The following HCN1 variants were observed in gnomAD, a reference collection of about 807,000 sequenced individuals.
HCN1 encodes the protein hyperpolarization activated cyclic nucleotide gated potassium channel 1, also known as potassium/sodium hyperpolarization-activated cyclic nucleotide-gated channel 1.
HCN1 carries 13 observed loss-of-function variants against 78.9 expected under a neutral mutation model. The ratio of observed to expected loss-of-function variants is 0.16; its 90% CI spans 0.11 to 0.26. The LOEUF is 0.26. HCN1 is among the 10% of genes least tolerant of loss of function. The pLI is 1.00. For synonymous variants in HCN1, 552 were observed against 455.5 expected (o/e 1.21, Z -2.70); for missense variants, 810 against 1,154.3 (o/e 0.70, Z 4.32).
intron 3 of HCN1, among the ~76,000 whole-genome samples, chr5:45,431,833 G>A (rs916225674): frequency 1.3e-5 from 2 of 152,124 alleles, no homozygotes; most frequent in South Asian, 2.1e-4. Flanking sequence ...TTTGGTTACT[G>A]TAGGCTTGTA....
chr5:45,308,220 G>T (rs1014120702), intron 5 of HCN1, among the ~76,000 whole-genome samples: 1 of 151,950 alleles, frequency 6.6e-6, no homozygotes, highest in Admixed American at 6.6e-5. Context: ...ATTTCCTGAG[G>T]TCCTCACTAG....
chr5:45,499,933 T>C (rs193163321), intron 2 of HCN1, among the ~76,000 whole-genome samples: 2 of 152,298 alleles, frequency 1.3e-5, no homozygotes, highest in Admixed American at 1.3e-4. Context: ...TGCTAGCATA[T>C]GCACATACAC....
At chr5:45,392,218 G>A (rs751664172) in intron 4 of HCN1, among the ~76,000 whole-genome samples, 6 of 152,038 alleles carry the variant, frequency 3.9e-5, no homozygotes, top group Non-Finnish European at 5.9e-5. Flanking sequence ...GTGTCTGGGT[G>A]TACCATTAGC....
chr5:45,295,374 G>T (rs928077568), intron 6 of HCN1, among the ~76,000 whole-genome samples: 1 of 151,758 alleles, frequency 6.6e-6, no homozygotes, highest in Non-Finnish European at 1.5e-5. Flanking sequence ...GGTACTTTTT[G>T]CTCACTGCTC....
At chr5:45,489,670 G>A (rs1252734705) in intron 2 of HCN1, among the ~76,000 whole-genome samples, 2 of 152,102 alleles carry the variant, frequency 1.3e-5, no homozygotes, top group African/African-American at 4.8e-5. Context: ...AAAGTATTTA[G>A]CATGGTCAGC....
chr5:45,426,271 A>G (rs1196410634), intron 3 of HCN1, among the ~76,000 whole-genome samples: 1 of 152,214 alleles, frequency 6.6e-6, no homozygotes, highest in Non-Finnish European at 1.5e-5. Flanking sequence ...CAAATGGATT[A>G]TGGAGCTAAT....
At chr5:45,426,257 C>T (rs969301772) in intron 3 of HCN1, among the ~76,000 whole-genome samples, 24 of 152,148 alleles carry the variant, frequency 1.6e-4, no homozygotes, top group African/African-American at 5.6e-4. Flanking sequence ...TGGAAACCTC[C>T]AAACAAATGG....
chr5:45,627,066 A>G (rs145963587), intron 2 of HCN1, among the ~76,000 whole-genome samples: 15 of 152,150 alleles, frequency 9.9e-5, no homozygotes, highest in African/African-American at 3.6e-4. Flanking sequence ...CTTCTGTTCC[A>G]AATATATTTC....
At chr5:45,636,606 G>A (rs1037157420) in intron 2 of HCN1, among the ~76,000 whole-genome samples, 18 of 152,086 alleles carry the variant, frequency 1.2e-4, no homozygotes, top group Admixed American at 5.2e-4. Flanking sequence ...GAAGTGTTTT[G>A]GGAGGCTGAG....
intron 6 of HCN1, among the ~76,000 whole-genome samples, chr5:45,287,555 T>G (rs903692704): frequency 3.4e-4 from 52 of 152,146 alleles, no homozygotes; most frequent in Non-Finnish European, 8.8e-5. Flanking sequence ...AGAGTTTGGA[T>G]TTTACTAAAT....
chr5:45,354,863 C>A (rs1746978803), intron 4 of HCN1, among the ~76,000 whole-genome samples: 1 of 151,950 alleles, frequency 6.6e-6, no homozygotes, highest in Non-Finnish European at 1.5e-5. Flanking sequence ...CTTTTCCATG[C>A]ATCTCAGAAA....
chr5:45,350,175 C>T (rs534873672), intron 5 of HCN1, among the ~76,000 whole-genome samples: 7 of 152,180 alleles, frequency 4.6e-5, no homozygotes, highest in South Asian at 4.2e-4. Context: ...GGTTATCCAC[C>T]GCGATCAAGT....
intron 3 of HCN1, among the ~76,000 whole-genome samples, chr5:45,461,355 T>A (rs1400780076): frequency 6.6e-6 from 1 of 152,118 alleles, no homozygotes; most frequent in Non-Finnish European, 1.5e-5. Flanking sequence ...GTTTTCCTTA[T>A]TTTCCTTAGC....
chr5:45,428,570 A>G (rs183473474), intron 3 of HCN1, among the ~76,000 whole-genome samples: 24 of 152,230 alleles, frequency 1.6e-4, no homozygotes, highest in African/African-American at 5.8e-4. Flanking sequence ...TAATTTATAT[A>G]CACATTTAAT....
intron 3 of HCN1, among the ~76,000 whole-genome samples, chr5:45,401,387 G>A (rs1037257618): frequency 6.6e-6 from 1 of 151,618 alleles, no homozygotes; most frequent in Non-Finnish European, 1.5e-5. Flanking sequence ...TTGAAGACTG[G>A]GTATCACCCC....
intron 3 of HCN1, among the ~76,000 whole-genome samples, chr5:45,457,597 C>T (rs954423197): frequency 2.0e-5 from 3 of 152,046 alleles, no homozygotes; most frequent in Admixed American, 6.6e-5. Context: ...ACTTTTAGTC[C>T]GCTTTCCGTT....
At chr5:45,444,675 T>G (rs1740749399) in intron 3 of HCN1, among the ~76,000 whole-genome samples, 4 of 152,176 alleles carry the variant, frequency 2.6e-5, no homozygotes, top group Non-Finnish European at 5.9e-5. Flanking sequence ...AAGATATTCT[T>G]AAATATGAAT....
At chr5:45,615,932 T>C (rs1156606695) in intron 2 of HCN1, among the ~76,000 whole-genome samples, 1 of 151,936 alleles carries the variant, frequency 6.6e-6, no homozygotes, top group African/African-American at 2.4e-5. Context: ...CCAAAATGAC[T>C]TCAGCAAATC....
intron 2 of HCN1, among the ~76,000 whole-genome samples, chr5:45,561,054 A>G (rs951804967): frequency 1.3e-5 from 2 of 152,082 alleles, no homozygotes; most frequent in African/African-American, 4.8e-5. Context: ...TTTCTTTAAC[A>G]AATTTTTTTT....
Sources: gnomAD v4.1 joint callset for allele counts (sites outside exome capture counted in the v4.1 genomes callset) on GRCh38, gnomAD v4.1.1 for gene constraint, MANE v1.5 for transcripts, NCBI Gene and HGNC (gene_info 2026-07-23, HGNC 2026-07-21) for gene names.